SAMD5: variants seen among roughly 807,000 people sequenced by gnomAD.
SAMD5 encodes sterile alpha motif domain-containing protein 5.
In SAMD5, 13 loss-of-function variants were observed where a neutral mutation model predicts 11.3. The ratio of observed to expected loss-of-function variants is 1.15; its 90% CI spans 0.75 to 1.83. The LOEUF (loss-of-function observed/expected upper bound fraction) is 1.83. Among genes scored for constraint, SAMD5 ranks in the 40% most tolerant of loss-of-function variants. SAMD5 has a pLI of 0.00. For missense variants in SAMD5, 255 were observed against 239.1 expected, an observed-to-expected ratio of 1.07 and a Z score of -0.44; for synonymous variants, 129 against 111.3, an observed-to-expected ratio of 1.16 and a Z score of -1.00.
At chr6:147,632,412 G>A (rs1024767882) in intron 1 of SAMD5, among the ~76,000 whole-genome samples, 1 of 152,150 alleles carries the variant, frequency 6.6e-6, no homozygotes, top group Non-Finnish European at 1.5e-5. Flanking sequence ...TCGAGTTAAG[G>A]CAATGAGTTC....
chr6:147,783,628 A>T, the SAMD5 span, among the ~76,000 whole-genome samples: 1 of 151,934 alleles, frequency 6.6e-6, no homozygotes, highest in Non-Finnish European at 1.5e-5. Context: ...CTAACTCCTG[A>T]CCTCAAGTGA....
At chr6:147,616,560 G>C (rs11961731) in intron 1 of SAMD5, among the ~76,000 whole-genome samples, 20,227 of 152,062 alleles carry the variant, frequency 0.13, 1,627 homozygotes, top group East Asian at 0.28. Context: ...AACAGAGAGG[G>C]AGTGATGTTT....
rs1267704836 is a variant in SAMD5 at position 147,509,275 on chromosome 6, C to T, written c.347C>T (p.Ala116Val). The stretch of plus-strand genomic sequence containing the variant: ...GGGGACTCTCGCGGCCACACGACCG[C>T]CCCCCGCAGCAGGGAGCTGGTGAGC... Reference protein sequence around the residue: ...TRGDSRGHTTAPRSRELVSYP... With the variant: ...TRGDSRGHTTVPRSRELVSYP... Residue 116 changes from alanine to valine, a missense_variant, in exon 1 of 2, where the codon GCC becomes GTC. By Grantham distance (64) the Ala-to-Val change is moderately conservative. Transcript: ENST00000367474. 6 of 1,557,962 alleles carry T rather than the reference C, an allele frequency of 3.9e-6. No homozygotes were observed. The highest frequency in any genetic ancestry group is 1.2e-5 in the South Asian group (1 of 84,694).
At chr6:147,917,212 G>A in the SAMD5 span, among the ~76,000 whole-genome samples, 8 of 126,270 alleles carry the variant, frequency 6.3e-5, no homozygotes, top group Non-Finnish European at 1.1e-4. Flanking sequence ...ATCCTCTCCA[G>A]CACCTGTTGT....
chr6:147,911,983 A>G, the SAMD5 span, among the ~76,000 whole-genome samples: 47 of 152,294 alleles, frequency 3.1e-4, 2 homozygotes, highest in South Asian at 9.5e-3. Flanking sequence ...TTTTTCTTTC[A>G]CAAAACAAGG....
the SAMD5 span, among the ~76,000 whole-genome samples, chr6:147,889,520 G>A: frequency 2.0e-5 from 3 of 152,144 alleles, no homozygotes; most frequent in Admixed American, 6.5e-5. Flanking sequence ...TGTATAATTT[G>A]TTATTAGATG....
intron 1 of SAMD5, among the ~76,000 whole-genome samples, chr6:147,666,908 A>G (rs1480267893): frequency 2.0e-5 from 3 of 152,138 alleles, no homozygotes; most frequent in African/African-American, 7.2e-5. Context: ...CTATCCGTCA[A>G]GCTTTCTCAC....
At chr6:147,688,840 A>G (rs1423711285) in intron 1 of SAMD5, among the ~76,000 whole-genome samples, 1 of 152,168 alleles carries the variant, frequency 6.6e-6, no homozygotes, top group Non-Finnish European at 1.5e-5. Flanking sequence ...TTTGTTTGTA[A>G]CAAATTAGTC....
At chr6:147,796,138 G>C in the SAMD5 span, among the ~76,000 whole-genome samples, 1 of 149,758 alleles carries the variant, frequency 6.7e-6, no homozygotes, top group Non-Finnish European at 1.5e-5. Context: ...TGAAGTCCTT[G>C]CCCGTGCCTA....
At chr6:147,937,654 G>A in the SAMD5 span, among the ~76,000 whole-genome samples, 12 of 152,150 alleles carry the variant, frequency 7.9e-5, no homozygotes, top group African/African-American at 2.9e-4. Flanking sequence ...CAGACAACAT[G>A]GCCTTTGGAA....
chr6:147,922,884 G>C, the SAMD5 span, among the ~76,000 whole-genome samples: 29 of 152,238 alleles, frequency 1.9e-4, no homozygotes, highest in East Asian at 5.6e-3. Flanking sequence ...GCCAGTTCCA[G>C]CATCAAGGGC....
the SAMD5 span, among the ~76,000 whole-genome samples, chr6:147,754,468 G>A: frequency 6.8e-6 from 1 of 146,218 alleles, no homozygotes; most frequent in Non-Finnish European, 1.5e-5. Flanking sequence ...TTAATCCTTT[G>A]TCAGATGGGT....
chr6:147,530,962 CTTAT>C (rs1477862426), intron 1 of SAMD5, among the ~76,000 whole-genome samples: 1 of 152,160 alleles, frequency 6.6e-6, no homozygotes, highest in Non-Finnish European at 1.5e-5. Flanking sequence ...TAGAATTAGC[CTTAT>C]TTAAAGTTGT....
At chr6:147,833,353 G>A in the SAMD5 span, among the ~76,000 whole-genome samples, 1 of 152,116 alleles carries the variant, frequency 6.6e-6, no homozygotes, top group African/African-American at 2.4e-5. Context: ...CCAAATTTGG[G>A]GAGCTAAAAG....
chr6:147,623,333 G>A (rs1790001064), intron 1 of SAMD5, among the ~76,000 whole-genome samples: 1 of 152,140 alleles, frequency 6.6e-6, no homozygotes, highest in Non-Finnish European at 1.5e-5. Context: ...TAATAAATAA[G>A]TAGCCCCATA....
At chr6:147,909,579 T>TTCCTTCCTTCCTTCCTTCCTTCCTTC in the SAMD5 span, among the ~76,000 whole-genome samples, 7 of 61,658 alleles carry the variant, frequency 1.1e-4, no homozygotes, top group African/African-American at 5.9e-4. Context: ...TTTCTTTCTT[T>TTCCTTCCTTCCTTCCTTCCTTCCTTC]CTTTCTTTCT....
chr6:147,562,092 G>A (rs1361445901), intron 1 of SAMD5, among the ~76,000 whole-genome samples: 1 of 152,210 alleles, frequency 6.6e-6, no homozygotes, highest in East Asian at 1.9e-4. Context: ...TTTGGAGGCT[G>A]TTAGTTTGAC....
At chr6:147,604,595 A>G (rs1315734264) in intron 1 of SAMD5, among the ~76,000 whole-genome samples, 1 of 152,228 alleles carries the variant, frequency 6.6e-6, no homozygotes, top group South Asian at 2.1e-4. Context: ...GAATGCAACT[A>G]GTTTTGGCTC....
intron 1 of SAMD5, among the ~76,000 whole-genome samples, chr6:147,561,140 C>T (rs1202983428): frequency 2.6e-5 from 4 of 152,132 alleles, no homozygotes; most frequent in Non-Finnish European, 5.9e-5. Context: ...TGTTAAGACA[C>T]CAAAATATAA....
Sources: gnomAD v4.1 joint callset for allele counts (sites outside exome capture counted in the v4.1 genomes callset) on GRCh38, gnomAD v4.1.1 for gene constraint, MANE v1.5 for transcripts, NCBI Gene and HGNC (gene_info 2026-07-23, HGNC 2026-07-21) for gene names.